RAPGEF6: variants seen among roughly 807,000 people sequenced by gnomAD.
RAPGEF6 encodes the protein Rap guanine nucleotide exchange factor 6, also known as PDZ domain containing guanine nucleotide exchange factor (GEF) 2.
Under a neutral mutation model 171.4 loss-of-function variants are expected in RAPGEF6, and 56 were observed. That is an observed-to-expected ratio of 0.33 (90% confidence interval 0.26 to 0.41). The LOEUF is 0.41. RAPGEF6 is among the 10% of genes least tolerant of loss of function. The pLI is 1.00. For missense variants in RAPGEF6, 1,674 were observed against 1,921.4 expected (o/e 0.87, Z 2.41); for synonymous variants, 692 against 650.1 (o/e 1.06, Z -0.98).
chr5:131,520,319 C>T (rs1418565145), intron 7 of RAPGEF6, among the ~76,000 whole-genome samples: 1 of 152,130 alleles, frequency 6.6e-6, no homozygotes, highest in Non-Finnish European at 1.5e-5. Flanking sequence ...TGTGCTGTAA[C>T]TTTAAATTAA....
chr5:131,590,293 G>A (rs561524400), intron 4 of RAPGEF6, among the ~76,000 whole-genome samples: 23 of 152,182 alleles, frequency 1.5e-4, no homozygotes, highest in African/African-American at 3.1e-4. Flanking sequence ...CCAGCTATTC[G>A]GAAGGCTAAG....
intron 7 of RAPGEF6, 150 bp from the exon 8 acceptor site, chr5:131,510,641 A>T (rs1293034334): frequency 2.9e-6 from 2 of 679,802 alleles, no homozygotes; most frequent in Non-Finnish European, 4.6e-6. Context: ...AATGATACTT[A>T]TTTATAAAAG....
rs561386724 is a variant in RAPGEF6 at position 131,571,303 on chromosome 5, T to C, written c.282-9256A>G. 2.0e-5 allele frequency among the ~76,000 whole-genome samples: 3 copies of C among 152,238 alleles called. No individual in the cohort carries two copies. In the South Asian group the frequency reaches 6.2e-4, roughly 32 times the overall value. Reference sequence around the variant, plus strand: ...TGTTTGCTCCACTCTGTCACAACAATGTACTATAGTTTTCCCCTAGTACAA... The same window carrying C: ...TGTTTGCTCCACTCTGTCACAACAACGTACTATAGTTTTCCCCTAGTACAA... On this transcript the variant is annotated intron_variant, in intron 4 of 27. Coordinates refer to ENST00000509018, the MANE Select transcript of RAPGEF6 (RefSeq NM_016340.6).
At chr5:131,604,539 T>C in intron 2 of RAPGEF6, 84 bp downstream of exon 2, 5 of 1,452,266 alleles carry the variant, frequency 3.4e-6, no homozygotes, top group Non-Finnish European at 4.7e-6. Flanking sequence ...CAATAAGGAA[T>C]ATAAAGGTGC....
In RAPGEF6 at chr5:131,509,845, A is replaced by G. The variant is rs1561522763; in HGVS notation, c.805+469T>C. Among the ~76,000 whole-genome samples the G allele has an allele frequency of 2.0e-5, 3 of 152,336 alleles. No individual in the cohort carries two copies. In the East Asian group the frequency reaches 5.8e-4, roughly 29 times the overall value. ...ATACTGTATCAGAGTTACCTGGTAT[A>G]ACAAACAGAATTTAGCAGAAGTGAT... On this transcript the variant is annotated intron_variant, in intron 8 of 27. Transcript: ENST00000509018.
At chr5:131,430,190 A>G (rs1189642398) in intron 26 of RAPGEF6, among the ~76,000 whole-genome samples, 1 of 152,212 alleles carries the variant, frequency 6.6e-6, no homozygotes, top group African/African-American at 2.4e-5. Context: ...TGTTGCATAA[A>G]TTTAACAGTT....
At chr5:131,578,643 C>G (rs985562528) in intron 4 of RAPGEF6, among the ~76,000 whole-genome samples, 2 of 152,182 alleles carry the variant, frequency 1.3e-5, no homozygotes, top group African/African-American at 4.8e-5. Flanking sequence ...CATCTTCCAA[C>G]AACAGCTTAC....
chr5:131,542,941 G>T (rs1760252890), intron 6 of RAPGEF6, among the ~76,000 whole-genome samples: 1 of 152,164 alleles, frequency 6.6e-6, no homozygotes, highest in South Asian at 2.1e-4. Context: ...TCCAACTAGG[G>T]ACATGTGGTT....
intron 5 of RAPGEF6, among the ~76,000 whole-genome samples, chr5:131,556,862 A>G (rs1012717420): frequency 1.3e-5 from 2 of 152,216 alleles, no homozygotes; most frequent in African/African-American, 4.8e-5. Context: ...CATACCTAAG[A>G]ACATGGTATC....
intron 19 of RAPGEF6, among the ~76,000 whole-genome samples, chr5:131,458,227 G>A (rs193199774): frequency 6.6e-6 from 1 of 152,322 alleles, no homozygotes; most frequent in African/African-American, 2.4e-5. Context: ...GCAGTGGGAG[G>A]TGACTGGGTC....
intron 26 of RAPGEF6, among the ~76,000 whole-genome samples, chr5:131,429,425 A>C (rs1046867974): frequency 3.3e-5 from 5 of 152,200 alleles, no homozygotes; most frequent in African/African-American, 1.2e-4. Flanking sequence ...TAAGTCCTGT[A>C]AACATTAAAT....
At chr5:131,633,592 G>A (rs1029395955) in intron 1 of RAPGEF6, among the ~76,000 whole-genome samples, 1 of 151,998 alleles carries the variant, frequency 6.6e-6, no homozygotes, top group African/African-American at 2.4e-5. Context: ...TTAGCCGGGC[G>A]TGGTGGCGCC....
rs766800773 is a variant in RAPGEF6 at position 131,429,187 on chromosome 5, C to T, written c.4495G>A (p.Asp1499Asn). The change falls in exon 27 of 28, where the codon GAT (aspartate) becomes AAT (asparagine). Residue 1499 changes from aspartate (D) to asparagine (N), a missense_variant. Physicochemically the swap from Asp to Asn is conservative, Grantham distance 23. Coordinates refer to ENST00000509018, the MANE Select transcript of RAPGEF6 (RefSeq NM_016340.6). ...GTGGGAGGTGGCTCCCTATACCTAT[C>T]GTCCTTCTTGGGTGAGGTGACACAG... ...VYCVTSPKKD[D>N]RYREPPPTPP... 21 of 1,612,354 alleles carry T rather than the reference C, an allele frequency of 1.3e-5. No homozygotes were observed. Among genetic ancestry groups the T allele is most frequent in the East Asian group, 6.7e-5 (3 of 44,862 alleles).
chr5:131,632,639 G>C (rs1159542208), intron 1 of RAPGEF6, among the ~76,000 whole-genome samples: 2 of 152,120 alleles, frequency 1.3e-5, no homozygotes, highest in Non-Finnish European at 2.9e-5. Flanking sequence ...GCACAGACTA[G>C]TGCCTTCAGC....
intron 21 of RAPGEF6, among the ~76,000 whole-genome samples, chr5:131,448,537 A>T (rs1280913929): frequency 6.6e-6 from 1 of 152,214 alleles, no homozygotes; most frequent in Non-Finnish European, 1.5e-5. Flanking sequence ...ATCAAGTTGC[A>T]GCTATTTAGG....
At chr5:131,440,432 C>A (rs1752305352) in intron 23 of RAPGEF6, among the ~76,000 whole-genome samples, 1 of 152,100 alleles carries the variant, frequency 6.6e-6, no homozygotes, top group African/African-American at 2.4e-5. Flanking sequence ...GCTATAGACA[C>A]TGTTCTTAAA....
At chr5:131,612,322 A>G (rs1764983635) in intron 1 of RAPGEF6, among the ~76,000 whole-genome samples, 1 of 149,942 alleles carries the variant, frequency 6.7e-6, no homozygotes, top group South Asian at 2.1e-4. Context: ...CATACCAGAT[A>G]CACAACACTT....
At chr5:131,440,933 G>A (rs879337679) in intron 23 of RAPGEF6, among the ~76,000 whole-genome samples, 6 of 151,952 alleles carry the variant, frequency 3.9e-5, no homozygotes, top group Admixed American at 3.9e-4. Flanking sequence ...AACTAGTCCA[G>A]GCCCTGGGCA....
chr5:131,500,119 G>A (rs190812637), intron 11 of RAPGEF6, among the ~76,000 whole-genome samples: 2 of 152,208 alleles, frequency 1.3e-5, no homozygotes, highest in African/African-American at 2.4e-5. Flanking sequence ...GGCTGGTCTC[G>A]AACTCTTGAC....
Sources: allele counts gnomAD v4.1 joint callset (sites outside exome capture counted in the v4.1 genomes callset), GRCh38; gene constraint gnomAD v4.1.1; transcripts MANE v1.5; gene names NCBI Gene and HGNC (gene_info 2026-07-23, HGNC 2026-07-21).